ETNK2: variants seen among roughly 807,000 people sequenced by gnomAD.
The protein encoded by ETNK2 is ethanolamine kinase-like protein.
In ETNK2, 33 loss-of-function variants were observed where a neutral mutation model predicts 46.2. The ratio of observed to expected loss-of-function variants is 0.71; its 90% CI spans 0.54 to 0.96. The LOEUF (loss-of-function observed/expected upper bound fraction) is 0.96. Among genes scored for constraint, ETNK2 ranks in the 40% least tolerant of loss-of-function variants. The pLI, the probability that ETNK2 is intolerant of heterozygous loss-of-function variation, is 0.00. For synonymous variants in ETNK2, 194 were observed against 209.0 expected, an observed-to-expected ratio of 0.93 and a Z score of 0.62; for missense variants, 445 against 509.7, an observed-to-expected ratio of 0.87 and a Z score of 1.22.
At chr1:204,141,532 C>G (rs3737656) in intron 3 of ETNK2, 75 bp from the exon 4 acceptor site, 10 of 1,493,694 alleles carry the variant, frequency 6.7e-6, no homozygotes, top group Non-Finnish European at 9.0e-6. Flanking sequence ...AGCCCTGAAT[C>G]TGAGCCTCAT....
chr1:204,132,080 C>T lies in ETNK2; in HGVS notation c.*104G>A. ...CCTTCTCCCTGGACACCCATGTGTC[C>T]CCTCTCCCACCCTGTCCAAGGGTGT... On this transcript the variant is annotated 3_prime_UTR_variant, in exon 8 of 8. Transcript: ENST00000367202. 2 of 928,020 alleles carry T rather than the reference C, an allele frequency of 2.2e-6. No homozygotes were observed. Among genetic ancestry groups the T allele is most frequent in the Non-Finnish European group, 3.4e-6 (2 of 581,128 alleles). The allele number at this position is 928,020 out of a possible 1,614,324, so 57.5% of individuals were successfully genotyped here.
chr1:204,149,903 C>T lies in ETNK2; in HGVS notation c.318G>A (p.Gln106=). ...CATACACCCGGACCAGCACGCAGTC[C>T]TGCATGTCCTCCTCCACATAGCAGG... ...LVACYVEEDM[Q]DCVLVRVYGE... The change falls in exon 2 of 8, where the codon CAG becomes CAA. Residue 106 remains glutamine (Q), a synonymous_variant. Transcript: ENST00000367202. 6.4e-7 allele frequency: 1 copy of T among 1,572,198 alleles called. No individual in the cohort carries two copies. The highest frequency in any genetic ancestry group is 8.6e-7 in the Non-Finnish European group (1 of 1,159,422).
At chr1:204,148,217 C>T (rs1415224726) in intron 2 of ETNK2, among the ~76,000 whole-genome samples, 1 of 151,792 alleles carries the variant, frequency 6.6e-6, no homozygotes, top group East Asian at 2.0e-4. Flanking sequence ...GGCCTACCTC[C>T]TACACCTATC....
intron 7 of ETNK2, among the ~76,000 whole-genome samples, chr1:204,133,687 A>G (rs1455822864): frequency 6.6e-6 from 1 of 151,220 alleles, no homozygotes. Flanking sequence ...GCCCGCCACC[A>G]CGCCCGGCTA....
In ETNK2 at chr1:204,137,217, C is replaced by T; in HGVS notation, c.901G>A (p.Ala301Thr). The change falls in exon 6 of 8, where the codon GCG becomes ACG. Residue 301 changes from alanine (A) to threonine (T), a missense_variant. Coordinates refer to ENST00000367202, the MANE Select transcript of ETNK2 (RefSeq NM_018208.4). ...AGCCACTGCAGCTGGGTCTCCCGCG[C>T]CGGGTACAGGCAGTAATCCACCTCA... ...VNEVDYCLYP[A>T]RETQLQWLHY... is the part of the protein sequence containing the mutation. 6.2e-7 allele frequency: 1 copy of T among 1,613,916 alleles called. No homozygotes were observed. Among genetic ancestry groups the T allele is most frequent in the Middle Eastern group, 1.7e-4 (1 of 6,060 alleles).
chr1:204,141,459 T>A lies in ETNK2; in HGVS notation c.642-2A>T, dbSNP rs1336036950. 2 of 1,578,970 alleles carry A rather than the reference T, an allele frequency of 1.3e-6. No individual in the cohort carries two copies. The highest frequency in any genetic ancestry group is 1.7e-6 in the Non-Finnish European group (2 of 1,162,282). The stretch of plus-strand genomic sequence containing the variant: ...ACCTTAGGGACATCTGCAGAAAGGC[T>A]GGGCAGTGGCAAAAAAGGTAGCCAG... On this transcript the variant is annotated splice_acceptor_variant, in intron 3 of 7. Transcript: ENST00000367202. LOFTEE classifies it high-confidence loss of function.
At chr1:204,145,396 C>G (rs555330061) in intron 3 of ETNK2, among the ~76,000 whole-genome samples, 1 of 152,376 alleles carries the variant, frequency 6.6e-6, no homozygotes, top group South Asian at 2.1e-4. Flanking sequence ...CGACCTTGGG[C>G]AGGTTCCATC....
At chr1:204,134,150 CT>C (rs753886000) in intron 7 of ETNK2, among the ~76,000 whole-genome samples, 99 of 152,366 alleles carry the variant, frequency 6.5e-4, no homozygotes, top group Non-Finnish European at 1.1e-3. Context: ...GTCCTCTCTG[CT>C]GTAAAATGAG....
At position 204,151,975 on chromosome 1, in the gene ETNK2, C is replaced by A; in HGVS notation, c.-123G>T. 1 of 1,033,658 alleles carries A rather than the reference C, an allele frequency of 9.7e-7. No individual in the cohort carries two copies. The highest frequency in any genetic ancestry group is 1.2e-6 in the Non-Finnish European group (1 of 801,590). 64.0% of individuals were successfully genotyped at this position (1,033,658 alleles called of 1,614,324 possible). On this transcript the variant is annotated 5_prime_UTR_variant, in exon 1 of 8. Coordinates refer to ENST00000367202, the MANE Select transcript of ETNK2 (RefSeq NM_018208.4). The surrounding 1 kb of genome is among the most constrained non-coding windows in gnomAD (Gnocchi z 8.0). Reference sequence around the variant, plus strand: ...GTCCATGACTCAGGCGCGAGCTGCCCGCTTCGATCGCCGGCTCGCGGCCCG... The same window carrying A: ...GTCCATGACTCAGGCGCGAGCTGCCAGCTTCGATCGCCGGCTCGCGGCCCG...
chr1:204,146,808 T>C (rs1571630973), intron 2 of ETNK2, 44 bp from the exon 3 acceptor site: 1 of 1,611,930 alleles, frequency 6.2e-7, no homozygotes, highest in Non-Finnish European at 8.5e-7. Flanking sequence ...TGCTGGGACA[T>C]TGCCTTCCCC....
chr1:204,137,214 G>GCGC lies in ETNK2; in HGVS notation c.901_903dup (p.Ala301dup). ...TGCAGCCACTGCAGCTGGGTCTCCC[G>GCGC]CGCCGGGTACAGGCAGTAATCCACC... On this transcript the variant is annotated inframe_insertion, in exon 6 of 8. Transcript: ENST00000367202. 1 of 1,613,904 alleles carries GCGC rather than the reference G, an allele frequency of 6.2e-7. No individual in the cohort carries two copies. Among genetic ancestry groups the GCGC allele is most frequent in the South Asian group, 1.1e-5 (1 of 91,076 alleles).
intron 4 of ETNK2, chr1:204,141,094 G>A (rs1657507192): frequency 3.1e-6 from 2 of 654,490 alleles, no homozygotes; most frequent in Admixed American, 4.4e-5. Context: ...CCAAACTGCT[G>A]GGATTATAGG....
In ETNK2 at chr1:204,148,600, ACAC is replaced by A. The variant is rs767775258; in HGVS notation, c.518+1100_518+1102del. Among the ~76,000 whole-genome samples the A allele has an allele frequency of 4.0e-3, 599 of 149,082 alleles. 47 individuals are homozygous for A. In the East Asian group the frequency reaches 0.11, roughly 29 times the overall value. On this transcript the variant is annotated intron_variant, in intron 2 of 7. Coordinates refer to ENST00000367202, the MANE Select transcript of ETNK2 (RefSeq NM_018208.4). ...CACACACACACACACACACACACAC[ACAC>A]ACACACACTGCTACAATACACAACT...
chr1:204,143,388 C>T (rs990536095), intron 3 of ETNK2, among the ~76,000 whole-genome samples: 4 of 150,282 alleles, frequency 2.7e-5, no homozygotes, highest in African/African-American at 7.4e-5. Context: ...CCCAAGGCCA[C>T]GCAGATGGTT....
At chr1:204,134,370 G>A (rs1204604574) in intron 7 of ETNK2, 145 bp downstream of exon 7, 18 of 850,512 alleles carry the variant, frequency 2.1e-5, no homozygotes, top group Non-Finnish European at 2.7e-5. Context: ...TAGTGGCCCC[G>A]CTGGAGATGA....
At position 204,146,778 on chromosome 1, in the gene ETNK2, C is replaced by T; in HGVS notation, c.519-14G>A. 1.9e-6 allele frequency: 3 copies of T among 1,613,890 alleles called. No homozygotes were observed. The highest frequency in any genetic ancestry group is 2.5e-6 in the Non-Finnish European group (3 of 1,179,816). ...AAGGCGATTAACCTACAGCAGGGAA[C>T]AGGAAGAGTAGAGCATCAGTGCTGG... is the stretch of plus-strand genomic sequence containing the variant. On this transcript the variant is annotated splice_polypyrimidine_tract_variant and intron_variant, in intron 2 of 7. Transcript: ENST00000367202.
rs1657094883 is a variant in ETNK2, at chr1:204,132,057, T to TGGCGGCAGGGTG, written c.*126_*127insCACCCTGCCGCC. On this transcript the variant is annotated 3_prime_UTR_variant, in exon 8 of 8. Coordinates refer to ENST00000367202, the MANE Select transcript of ETNK2 (RefSeq NM_018208.4). ...GGGGTCTGGCGGCAGGGACAGAGCC[T>TGGCGGCAGGGTG]TCTCCCTGGACACCCATGTGTCCCC... 4 of 769,724 alleles carry TGGCGGCAGGGTG rather than the reference T, an allele frequency of 5.2e-6. No individual in the cohort carries two copies. In the African/African-American group the frequency reaches 6.9e-5, roughly 13 times the overall value. 47.7% of individuals were successfully genotyped at this position (769,724 alleles called of 1,614,324 possible).
At chr1:204,132,315 G>C (rs2102276712) in intron 7 of ETNK2, 59 bp from the exon 8 acceptor site, 1 of 1,391,960 alleles carries the variant, frequency 7.2e-7, no homozygotes, top group East Asian at 2.5e-5. Context: ...GGCCCTGCTG[G>C]GGGTGCTGAC....
chr1:204,137,912 C>A (rs1657352629), intron 5 of ETNK2, among the ~76,000 whole-genome samples: 1 of 152,148 alleles, frequency 6.6e-6, no homozygotes, highest in South Asian at 2.1e-4. Flanking sequence ...AGCCCAGTAC[C>A]ACCAGCCTCA....
Sources: gnomAD v4.1 joint callset for allele counts (sites outside exome capture counted in the v4.1 genomes callset) on GRCh38, gnomAD v4.1.1 for gene constraint, Gnocchi (gnomAD v3.1) non-coding constraint, MANE v1.5 for transcripts, NCBI Gene and HGNC (gene_info 2026-07-23, HGNC 2026-07-21) for gene names.